Variants in DRC11 observed in about 807,000 individuals in gnomAD.
DRC11 encodes IQ and AAA domain-containing protein 1.
chr2:236,388,130 A>T, the DRC11 span, among the ~76,000 whole-genome samples: 1 of 151,994 alleles, frequency 6.6e-6, no homozygotes, highest in African/African-American at 2.4e-5. Context: ...GAATCTCACG[A>T]TTATGTGTCT....
At chr2:236,487,001 T>G in the DRC11 span, 280 of 831,144 alleles carry the variant, frequency 3.4e-4, no homozygotes, top group Non-Finnish European at 5.2e-4. Context: ...AAATGCCAAC[T>G]AATCCTAAGC....
the DRC11 span, chr2:236,412,629 C>G: frequency 6.6e-6 from 1 of 152,302 alleles, no homozygotes; most frequent in African/African-American, 2.4e-5. Context: ...GAGTTCACTT[C>G]AATTCCTTGG....
the DRC11 span, chr2:236,363,761 C>A: frequency 6.4e-7 from 1 of 1,571,688 alleles, no homozygotes; most frequent in Admixed American, 1.7e-5. This position sits in a 1 kb window ranked among gnomAD's most constrained non-coding sequence, Gnocchi z 5.6. Context: ...AGTTGGAAAC[C>A]AAGAAATGTA....
chr2:236,357,331 T>G, the DRC11 span, among the ~76,000 whole-genome samples: 192 of 107,530 alleles, frequency 1.8e-3, 1 homozygote, highest in Middle Eastern at 0.026. Context: ...TATATATTCA[T>G]ATATGAATAT....
the DRC11 span, among the ~76,000 whole-genome samples, chr2:236,354,522 G>C: frequency 6.6e-6 from 1 of 152,050 alleles, no homozygotes; most frequent in East Asian, 1.9e-4. Context: ...CCACACTATG[G>C]CCAATGAATT....
chr2:236,454,003 C>A, the DRC11 span, among the ~76,000 whole-genome samples: 1 of 152,112 alleles, frequency 6.6e-6, no homozygotes, highest in Non-Finnish European at 1.5e-5. The surrounding 1 kb of genome is among the most constrained non-coding windows in gnomAD (Gnocchi z 5.3). Context: ...CCCTGGATGG[C>A]ATGCAGAGGG....
At chr2:236,327,287 T>C in the DRC11 span, among the ~76,000 whole-genome samples, 1 of 152,208 alleles carries the variant, frequency 6.6e-6, no homozygotes, top group Non-Finnish European at 1.5e-5. Flanking sequence ...GACAGAGTCT[T>C]GTTCTGTCAC....
the DRC11 span, among the ~76,000 whole-genome samples, chr2:236,311,234 C>A: frequency 6.6e-6 from 1 of 152,226 alleles, no homozygotes; most frequent in Non-Finnish European, 1.5e-5. This position sits in a 1 kb window ranked among gnomAD's most constrained non-coding sequence, Gnocchi z 6.9. Context: ...CATATACACT[C>A]GAGCCTGGCC....
chr2:236,408,680 G>A, the DRC11 span: 15 of 721,206 alleles, frequency 2.1e-5, no homozygotes, highest in Non-Finnish European at 3.9e-5. The surrounding 1 kb of genome is among the most constrained non-coding windows in gnomAD (Gnocchi z 5.5). Flanking sequence ...TGCAGTAATT[G>A]GTAAAGGCCT....
chr2:236,441,671 G>C, the DRC11 span, among the ~76,000 whole-genome samples: 1 of 152,140 alleles, frequency 6.6e-6, no homozygotes, highest in Non-Finnish European at 1.5e-5. Context: ...GAGAATTTCA[G>C]AAGGGGTAGA....
At chr2:236,344,884 T>C in the DRC11 span, among the ~76,000 whole-genome samples, 1 of 147,982 alleles carries the variant, frequency 6.8e-6, no homozygotes, top group Non-Finnish European at 1.5e-5. Flanking sequence ...TGCTTCCCTC[T>C]GGGGTGTGCA....
chr2:236,336,502 C>T, the DRC11 span, among the ~76,000 whole-genome samples: 2 of 151,722 alleles, frequency 1.3e-5, no homozygotes, highest in African/African-American at 4.9e-5. The surrounding 1 kb of genome is among the most constrained non-coding windows in gnomAD (Gnocchi z 7.3). Context: ...GGCACCAGCA[C>T]GTCTGCTGCT....
At chr2:236,406,509 C>A in the DRC11 span, among the ~76,000 whole-genome samples, 198 of 152,214 alleles carry the variant, frequency 1.3e-3, 1 homozygote, top group African/African-American at 4.5e-3. The surrounding 1 kb of genome is among the most constrained non-coding windows in gnomAD (Gnocchi z 4.7). Context: ...TTTCAGATTA[C>A]CTGCTCCTCC....
At chr2:236,330,733 A>G in the DRC11 span, among the ~76,000 whole-genome samples, 1 of 152,152 alleles carries the variant, frequency 6.6e-6, no homozygotes, top group East Asian at 1.9e-4. This position sits in a 1 kb window ranked among gnomAD's most constrained non-coding sequence, Gnocchi z 5.5. Flanking sequence ...GAAAGACAAC[A>G]CCACTGTATT....
chr2:236,368,897 C>A, the DRC11 span: 3 of 152,250 alleles, frequency 2.0e-5, no homozygotes, highest in Non-Finnish European at 4.4e-5. Context: ...AGAAATAAAT[C>A]TTTACAGGTT....
chr2:236,356,120 T>C, the DRC11 span, among the ~76,000 whole-genome samples: 2 of 151,970 alleles, frequency 1.3e-5, no homozygotes, highest in Non-Finnish European at 2.9e-5. Flanking sequence ...TCACTCTAAC[T>C]CAGCCCTCAG....
At chr2:236,507,233 T>G in the DRC11 span, 2 of 1,613,584 alleles carry the variant, frequency 1.2e-6, no homozygotes, top group Non-Finnish European at 1.7e-6. Flanking sequence ...ACTCCATGGC[T>G]GTGGCTGGGA....
the DRC11 span, among the ~76,000 whole-genome samples, chr2:236,351,156 G>C: frequency 6.6e-6 from 1 of 152,310 alleles, no homozygotes; most frequent in East Asian, 1.9e-4. The surrounding 1 kb of genome is among the most constrained non-coding windows in gnomAD (Gnocchi z 7.3). Flanking sequence ...TGGTATGCCA[G>C]GCACTGTGCT....
chr2:236,326,313 T>C, the DRC11 span, among the ~76,000 whole-genome samples: 3 of 152,352 alleles, frequency 2.0e-5, no homozygotes, highest in South Asian at 2.1e-4. Context: ...CTAGAACTTA[T>C]TGTGTTCTAG....
Sources: gnomAD v4.1 joint callset for allele counts (sites outside exome capture counted in the v4.1 genomes callset) on GRCh38, gnomAD v4.1.1 for gene constraint, Gnocchi (gnomAD v3.1) non-coding constraint, MANE v1.5 for transcripts, NCBI Gene and HGNC (gene_info 2026-07-23, HGNC 2026-07-21) for gene names.